Variants in UNC5C observed in about 807,000 individuals in gnomAD.
UNC5C encodes unc-5 netrin receptor C.
UNC5C carries 47 observed loss-of-function variants against 99.8 expected under a neutral mutation model. The ratio of observed to expected loss-of-function variants is 0.47; its 90% CI spans 0.37 to 0.60. The LOEUF (loss-of-function observed/expected upper bound fraction) is 0.60, where lower values mean the gene tolerates loss of function less well. Ranked by LOEUF, UNC5C falls within the 20% of genes least tolerant of loss-of-function variation. The probability of loss-of-function intolerance (pLI) is 0.00; values close to 1 mark genes in which losing one functional copy is unlikely to be tolerated. For missense variants in UNC5C, 1,062 were observed against 1,165.9 expected (o/e 0.91, Z 1.30); for synonymous variants, 487 against 452.2 (o/e 1.08, Z -0.98).
chr4:95,520,075 C>A (rs1578206369), intron 1 of UNC5C, among the ~76,000 whole-genome samples: 1 of 152,100 alleles, frequency 6.6e-6, no homozygotes, highest in African/African-American at 2.4e-5. Flanking sequence ...ACTTTGAGAT[C>A]AATGAAGAAA....
intron 12 of UNC5C, among the ~76,000 whole-genome samples, chr4:95,190,493 A>G (rs558563927): frequency 3.7e-4 from 57 of 152,254 alleles, no homozygotes; most frequent in East Asian, 2.9e-3. Flanking sequence ...GTAGAATAAA[A>G]AAATTTTTTT....
intron 1 of UNC5C, among the ~76,000 whole-genome samples, chr4:95,383,405 C>T (rs1176447078): frequency 6.6e-6 from 1 of 152,110 alleles, no homozygotes; most frequent in East Asian, 1.9e-4. Context: ...TTGTTAAACA[C>T]ATACGATATA....
chr4:95,510,068 T>C (rs1489476874), intron 1 of UNC5C, among the ~76,000 whole-genome samples: 1 of 152,010 alleles, frequency 6.6e-6, no homozygotes, highest in African/African-American at 2.4e-5. Flanking sequence ...AAAACAATAA[T>C]ATATGGCTTA....
chr4:95,196,712 A>G (rs1432568850), intron 12 of UNC5C, among the ~76,000 whole-genome samples: 1 of 134,114 alleles, frequency 7.5e-6, no homozygotes, highest in Non-Finnish European at 1.5e-5. Context: ...TATGGATAAT[A>G]TAAATAAATG....
chr4:95,489,262 G>C (rs1721415509), intron 1 of UNC5C, among the ~76,000 whole-genome samples: 1 of 151,594 alleles, frequency 6.6e-6, no homozygotes, highest in Non-Finnish European at 1.5e-5. Context: ...TTCTGAGGTT[G>C]GGACACTGCA....
chr4:95,241,862 A>G (rs549348667), intron 7 of UNC5C, among the ~76,000 whole-genome samples: 43 of 152,348 alleles, frequency 2.8e-4, no homozygotes, highest in African/African-American at 9.9e-4. Flanking sequence ...CATTTTAAAA[A>G]TGTATGCTTT....
rs1743859771 is a variant in UNC5C at position 95,348,462 on chromosome 4, C to T, written c.125-12831G>A. 2.0e-5 allele frequency among the ~76,000 whole-genome samples: 3 copies of T among 151,640 alleles called. No individual in the cohort carries two copies. The South Asian group carries it at 6.3e-4, about 32-fold the overall frequency. On this transcript the variant is annotated intron_variant, in intron 1 of 15. Transcript: ENST00000453304. Reference sequence around the variant, plus strand: ...TATATTGAAGAGATATTTGCACTCCCATGTTCATTGTAGCACTAGTCACAA... The same window carrying T: ...TATATTGAAGAGATATTTGCACTCCTATGTTCATTGTAGCACTAGTCACAA...
At chr4:95,171,429 C>T (rs1736103613) in intron 14 of UNC5C, among the ~76,000 whole-genome samples, 1 of 146,892 alleles carries the variant, frequency 6.8e-6, no homozygotes, top group South Asian at 2.2e-4. Flanking sequence ...TGTGATGTTC[C>T]CCTTCCTGTG....
At chr4:95,509,823 GGTAA>G (rs1400779054) in intron 1 of UNC5C, among the ~76,000 whole-genome samples, 1 of 151,810 alleles carries the variant, frequency 6.6e-6, no homozygotes, top group African/African-American at 2.4e-5. Context: ...AACATGAAAA[GGTAA>G]GTATTAATCA....
intron 2 of UNC5C, among the ~76,000 whole-genome samples, chr4:95,304,440 T>C (rs1465122004): frequency 6.6e-6 from 1 of 152,212 alleles, no homozygotes; most frequent in Non-Finnish European, 1.5e-5. Context: ...CTTTGCCTCC[T>C]CTTTCCTGGT....
At chr4:95,406,864 A>C (rs1170177812) in intron 1 of UNC5C, among the ~76,000 whole-genome samples, 2 of 152,244 alleles carry the variant, frequency 1.3e-5, no homozygotes, top group Non-Finnish European at 2.9e-5. Flanking sequence ...ATTTTCAACA[A>C]TTTCATGATT....
chr4:95,195,253 C>A (rs1560725755), intron 12 of UNC5C, among the ~76,000 whole-genome samples: 2 of 152,192 alleles, frequency 1.3e-5, no homozygotes. Flanking sequence ...ACCAGGGCCA[C>A]CAGGCTGATA....
intron 1 of UNC5C, among the ~76,000 whole-genome samples, chr4:95,486,258 G>C (rs1259798673): frequency 6.6e-6 from 1 of 151,688 alleles, no homozygotes; most frequent in African/African-American, 2.4e-5. Flanking sequence ...TCATCACTGA[G>C]AATATTGAAG....
At chr4:95,479,728 T>G (rs554873183) in intron 1 of UNC5C, among the ~76,000 whole-genome samples, 2 of 152,008 alleles carry the variant, frequency 1.3e-5, no homozygotes, top group South Asian at 4.1e-4. Flanking sequence ...AAAAAGGAAT[T>G]TATTTTTCAT....
chr4:95,235,559 A>G (rs1177574085), intron 7 of UNC5C, among the ~76,000 whole-genome samples: 1 of 152,166 alleles, frequency 6.6e-6, no homozygotes, highest in Non-Finnish European at 1.5e-5. Context: ...GTCCTTGCCC[A>G]TGCCTATGTC....
chr4:95,544,053 C>T (rs1030171641), intron 1 of UNC5C, among the ~76,000 whole-genome samples: 14 of 152,080 alleles, frequency 9.2e-5, no homozygotes, highest in Non-Finnish European at 1.3e-4. Flanking sequence ...TCTTTGCCAA[C>T]GGTTTGTAGA....
chr4:95,404,240 T>C (rs1745774612), intron 1 of UNC5C, among the ~76,000 whole-genome samples: 1 of 152,144 alleles, frequency 6.6e-6, no homozygotes, highest in Non-Finnish European at 1.5e-5. Context: ...AAATAGAATA[T>C]TTTTGGACAA....
At chr4:95,496,083 T>C (rs536107518) in intron 1 of UNC5C, among the ~76,000 whole-genome samples, 2 of 151,956 alleles carry the variant, frequency 1.3e-5, no homozygotes, top group Admixed American at 6.6e-5. Flanking sequence ...CTGAAACATC[T>C]GAGGACTAGA....
At chr4:95,265,458 T>C (rs929705851) in intron 4 of UNC5C, among the ~76,000 whole-genome samples, 1 of 152,196 alleles carries the variant, frequency 6.6e-6, no homozygotes, top group Non-Finnish European at 1.5e-5. Context: ...TGAATTTCTC[T>C]TTTCCATTCA....
Sources: allele counts gnomAD v4.1 joint callset (sites outside exome capture counted in the v4.1 genomes callset), GRCh38; gene constraint gnomAD v4.1.1; transcripts MANE v1.5; gene names NCBI Gene and HGNC (gene_info 2026-07-23, HGNC 2026-07-21).